SLC45A1: variants seen among roughly 807,000 people sequenced by gnomAD.
The protein encoded by SLC45A1 is solute carrier family 45 member 1, also known as proton-associated sugar transporter A.
SLC45A1 carries 28 observed loss-of-function variants against 57.6 expected under a neutral mutation model. The observed-to-expected ratio is 0.49, with a 90% confidence interval of 0.36 to 0.67. The LOEUF is 0.67. SLC45A1 is among the 30% of genes least tolerant of loss of function. The pLI, the probability that SLC45A1 is intolerant of heterozygous loss-of-function variation, is 0.00. For synonymous variants in SLC45A1, 459 were observed against 471.5 expected (o/e 0.97, Z 0.34); for missense variants, 814 against 1,041.5 (o/e 0.78, Z 3.01).
chr1:8,341,618 A>C (rs1333721057), intron 8 of SLC45A1, among the ~76,000 whole-genome samples: 1 of 150,980 alleles, frequency 6.6e-6, no homozygotes, highest in African/African-American at 2.4e-5. Flanking sequence ...AGTCTGAGGC[A>C]AAAGGAAAAA....
At chr1:8,324,764 G>GGAAGCCTCCA (rs754524502) in intron 2 of SLC45A1, 38 bp downstream of exon 2, 1 of 1,526,776 alleles carries the variant, frequency 6.5e-7, no homozygotes, top group Non-Finnish European at 8.8e-7. Flanking sequence ...GAGGGCCTCT[G>GGAAGCCTCCA]GAAGCCTCCA....
Position 8,330,081 on chromosome 1 carries a change from G to A in SLC45A1, c.716-128G>A. On this transcript the variant is annotated intron_variant, in intron 4 of 8. Transcript: ENST00000471889. This position sits in a 1 kb window ranked among gnomAD's most constrained non-coding sequence, Gnocchi z 8.4. The stretch of plus-strand genomic sequence containing the variant: ...TGTCCCATTTTGTTGGGGTTTAGGT[G>A]GAACAGGTTCTGTGCCCACGTCCCT... The A allele has an allele frequency of 8.3e-7, 1 of 1,208,280 alleles. No individual in the cohort carries two copies. The highest frequency in any genetic ancestry group is 1.2e-6 in the Non-Finnish European group (1 of 857,652). 74.8% of individuals were successfully genotyped at this position (1,208,280 alleles called of 1,614,324 possible).
rs527878036 is a variant in SLC45A1, at chr1:8,338,266, G to A, written c.1774+274G>A. Among the ~76,000 whole-genome samples the A allele has an allele frequency of 7.0e-4, 106 of 152,366 alleles. No homozygotes were observed. In the South Asian group the frequency reaches 8.3e-3, roughly 12 times the overall value. ...TACACCGGCAGGCCATAGCGAGGGC[G>A]AAGTGGGGGGCCCTGGGGGAACCCC... is the stretch of plus-strand genomic sequence containing the variant. On this transcript the variant is annotated intron_variant, in intron 7 of 8. Coordinates refer to ENST00000471889, the MANE Select transcript of SLC45A1 (RefSeq NM_001080397.3).
Position 8,330,648 on chromosome 1 carries a change from C to T in SLC45A1, c.1155C>T (p.His385=), listed in dbSNP as rs773547912. The change falls in exon 5 of 9, where the codon CAC becomes CAT. Residue 385 remains histidine, a synonymous_variant. Transcript: ENST00000471889. The surrounding 1 kb of genome is among the most constrained non-coding windows in gnomAD (Gnocchi z 8.4). ...SVLIDCFTGG[H]DSYLAIPGSV... is the part of the protein sequence containing the mutation. ...TCATTGACTGCTTCACGGGCGGCCA[C>T]GACAGCTACCTGGCCATCCCTGGCA... The T allele has an allele frequency of 1.2e-5, 20 of 1,613,324 alleles. No individual in the cohort carries two copies. The highest frequency in any genetic ancestry group is 6.7e-5 in the Admixed American group (4 of 60,010).
chr1:8,343,968 C>T lies in SLC45A1; in HGVS notation c.2202C>T (p.Ser734=), dbSNP rs376837534. The T allele has an allele frequency of 6.2e-7, 1 of 1,613,712 alleles. No homozygotes were observed. The highest frequency in any genetic ancestry group is 8.5e-7 in the Non-Finnish European group (1 of 1,179,884). ...SLFVIYEIPP[S]DAADEEHRPL... ...TTGTCATTTATGAAATTCCTCCCAG[C>T]GACGCTGCAGACGAGGAGCACCGGC... The change falls in exon 9 of 9, where the codon AGC becomes AGT. Residue 734 remains serine, a synonymous_variant. Transcript: ENST00000471889. The surrounding 1 kb of genome is among the most constrained non-coding windows in gnomAD (Gnocchi z 7.7).
In SLC45A1 at chr1:8,330,375, G is replaced by A. The variant is rs139957298; in HGVS notation, c.882G>A (p.Arg294=). ...TCAGCATCCCTGAGAGGCCGCTGCG[G>A]CCGCCGAGTGAGAAGCGGGCAGCCA... ...TLVSIPERPL[R]PPSEKRAAMK... is the part of the protein sequence containing the mutation. The change falls in exon 5 of 9, where the codon CGG becomes CGA. Residue 294 remains arginine, a synonymous_variant. Coordinates refer to ENST00000471889, the MANE Select transcript of SLC45A1 (RefSeq NM_001080397.3). The surrounding 1 kb of genome is among the most constrained non-coding windows in gnomAD (Gnocchi z 8.4). 1,508 of 1,612,834 alleles carry A rather than the reference G, an allele frequency of 9.3e-4. No homozygotes were observed. The highest frequency in any genetic ancestry group is 1.2e-3 in the Non-Finnish European group (1,396 of 1,179,954).
intron 4 of SLC45A1, among the ~76,000 whole-genome samples, chr1:8,329,774 G>T (rs985487213): frequency 9.2e-5 from 14 of 152,238 alleles, no homozygotes; most frequent in African/African-American, 3.1e-4. Context: ...ATGGTGTTCT[G>T]TGCATGGGGA....
At position 8,324,381 on chromosome 1, in the gene SLC45A1, G is replaced by A. The variant is rs371725234; in HGVS notation, c.52G>A (p.Val18Met). ...GCCGGGAGATGCCCTCTTCCCCAGC[G>A]TGGCCCCACAGGACTTCTGGAGGTC... Reference protein sequence around the residue: ...TPPGDALFPSVAPQDFWRSQV... With the variant: ...TPPGDALFPSMAPQDFWRSQV... Residue 18 changes from valine (V) to methionine (M), a missense_variant, in exon 2 of 9, where the codon GTG (valine) becomes ATG (methionine). Transcript: ENST00000471889. 503 of 1,612,754 alleles carry A rather than the reference G, an allele frequency of 3.1e-4. 7 individuals are homozygous for A. The South Asian group carries it at 4.3e-3, about 14-fold the overall frequency.
In SLC45A1 at chr1:8,343,745, A is replaced by G; in HGVS notation, c.1981-2A>G. The G allele has an allele frequency of 6.2e-7, 1 of 1,602,252 alleles. No individual in the cohort carries two copies. The highest frequency in any genetic ancestry group is 8.5e-7 in the Non-Finnish European group (1 of 1,170,570). Reference sequence around the variant, plus strand: ...GCTGACACGTTTCTTCCTCTGGGTCAGTTTGCAGGGTCCAGTGCGGACGGC... The same window carrying G: ...GCTGACACGTTTCTTCCTCTGGGTCGGTTTGCAGGGTCCAGTGCGGACGGC... On this transcript the variant is annotated splice_acceptor_variant, in intron 8 of 8. Coordinates refer to ENST00000471889, the MANE Select transcript of SLC45A1 (RefSeq NM_001080397.3). LOFTEE classifies it high-confidence loss of function. The surrounding 1 kb of genome is among the most constrained non-coding windows in gnomAD (Gnocchi z 7.7).
Position 8,319,100 on chromosome 1 carries a change from G to T in SLC45A1, c.-25+914G>T, listed in dbSNP as rs181640758. ...GTTCAAGACCAGCCTGGCCAACATG[G>T]TGAAACCCCATCTCTACTAAAAATA... On this transcript the variant is annotated intron_variant, in intron 1 of 8. Transcript: ENST00000471889. Among the ~76,000 whole-genome samples the T allele has an allele frequency of 6.6e-5, 10 of 152,310 alleles. No individual in the cohort carries two copies. The East Asian group carries it at 1.9e-3, about 29-fold the overall frequency.
chr1:8,335,355 C>A lies in SLC45A1; in HGVS notation c.1444-82C>A. On this transcript the variant is annotated intron_variant, in intron 5 of 8. Transcript: ENST00000471889. This position sits in a 1 kb window ranked among gnomAD's most constrained non-coding sequence, Gnocchi z 4.1. ...AGCCTCCGTGCGGTGTTTCCGAGAG[C>A]GCATTCCCCTGAGCAGAGCAGGGTC... The A allele has an allele frequency of 2.3e-6, 3 of 1,331,824 alleles. No homozygotes were observed. Among genetic ancestry groups the A allele is most frequent in the Non-Finnish European group, 3.0e-6 (3 of 1,003,770 alleles). 82.5% of individuals were successfully genotyped at this position (1,331,824 alleles called of 1,614,324 possible).
intron 5 of SLC45A1, among the ~76,000 whole-genome samples, chr1:8,331,325 T>A (rs1485172695): frequency 1.8e-5 from 2 of 112,124 alleles, no homozygotes; most frequent in East Asian, 2.6e-4. Context: ...AAAACACTTT[T>A]AAAAAATATT....
rs137918218 is a variant in SLC45A1, at chr1:8,330,643, G to T, written c.1150G>T (p.Gly384Cys). ...CGTCCTCATTGACTGCTTCACGGGC[G>T]GCCACGACAGCTACCTGGCCATCCC... Reference protein sequence around the residue: ...DSVLIDCFTGGHDSYLAIPGS... With the variant: ...DSVLIDCFTGCHDSYLAIPGS... Residue 384 changes from glycine to cysteine, a missense_variant, in exon 5 of 9, where the codon GGC (glycine) becomes TGC (cysteine). Gly to Cys is a radical substitution (Grantham distance 159). Coordinates refer to ENST00000471889, the MANE Select transcript of SLC45A1 (RefSeq NM_001080397.3). This position sits in a 1 kb window ranked among gnomAD's most constrained non-coding sequence, Gnocchi z 8.4. 5.3e-4 allele frequency: 863 copies of T among 1,613,428 alleles called. 1 individual carries two copies. The highest frequency in any genetic ancestry group is 7.1e-4 in the Non-Finnish European group (833 of 1,179,976).
Position 8,335,505 on chromosome 1 carries a change from G to T in SLC45A1, c.1512G>T (p.Glu504Asp), listed in dbSNP as rs1443955569. Reference protein sequence around the residue: ...SELTGSSERAEQPLSVGRLCS... With the variant: ...SELTGSSERADQPLSVGRLCS... ...TGACGGGCTCCAGCGAGCGCGCGGA[G>T]CAGCCTCTGTCCGTGGGGCGCCTCT... The change falls in exon 6 of 9, where the codon GAG becomes GAT. Residue 504 changes from glutamate (E) to aspartate (D), a missense_variant. By Grantham distance (45) the Glu-to-Asp change is conservative. Coordinates refer to ENST00000471889, the MANE Select transcript of SLC45A1 (RefSeq NM_001080397.3). This position sits in a 1 kb window ranked among gnomAD's most constrained non-coding sequence, Gnocchi z 4.1. The T allele has an allele frequency of 6.2e-7, 1 of 1,604,040 alleles. No homozygotes were observed. Among genetic ancestry groups the T allele is most frequent in the Non-Finnish European group, 8.5e-7 (1 of 1,179,768 alleles).
chr1:8,339,783 T>C, intron 8 of SLC45A1, 85 bp downstream of exon 8: 1 of 1,260,744 alleles, frequency 7.9e-7, no homozygotes, highest in Non-Finnish European at 1.2e-6. Flanking sequence ...AGCTGCACAA[T>C]CTGCAGAGCC....
chr1:8,332,956 G>A (rs531693393), intron 5 of SLC45A1, among the ~76,000 whole-genome samples: 8 of 152,298 alleles, frequency 5.3e-5, no homozygotes, highest in Non-Finnish European at 8.8e-5. Flanking sequence ...GCCGAGTCTC[G>A]TTTGCCTCAT....
chr1:8,342,094 C>A (rs972455723), intron 8 of SLC45A1, among the ~76,000 whole-genome samples: 9 of 152,028 alleles, frequency 5.9e-5, no homozygotes, highest in Admixed American at 2.6e-4. Flanking sequence ...GTAGTCCCAG[C>A]TACTCTGGAG....
In SLC45A1 at chr1:8,324,371, C is replaced by T; in HGVS notation, c.42C>T (p.Leu14=). 1 of 1,612,832 alleles carries T rather than the reference C, an allele frequency of 6.2e-7. No individual in the cohort carries two copies. ...GCAGCACCCCGCCGGGAGATGCCCTCTTCCCCAGCGTGGCCCCACAGGACT... is the reference window on the plus strand; with the variant it reads ...GCAGCACCCCGCCGGGAGATGCCCTTTTCCCCAGCGTGGCCCCACAGGACT... ...AASSTPPGDA[L]FPSVAPQDFW... Residue 14 remains leucine (L), a synonymous_variant, in exon 2 of 9, where the codon CTC becomes CTT. Transcript: ENST00000471889.
chr1:8,324,504 T>TGCCCCCCCCCCCCCCCCCACACC lies in SLC45A1; in HGVS notation c.175_176insGCCCCCCCCCCCCCCCCCACACC (p.Ser59CysfsTer58). On this transcript the variant is annotated frameshift_variant, in exon 2 of 9. Transcript: ENST00000471889. LOFTEE classifies it high-confidence loss of function. Reference sequence around the variant, plus strand: ...CAAGAGGAGGAAGTGCATTCGTCCCTCCCCACCCCCGCCCCCCAACACCCC... The same window carrying TGCCCCCCCCCCCCCCCCCACACC: ...CAAGAGGAGGAAGTGCATTCGTCCCTGCCCCCCCCCCCCCCCCCACACCCCCCACCCCCGCCCCCCAACACCCC... 1 of 1,528,690 alleles carries TGCCCCCCCCCCCCCCCCCACACC rather than the reference T, an allele frequency of 6.5e-7. No homozygotes were observed. Among genetic ancestry groups the TGCCCCCCCCCCCCCCCCCACACC allele is most frequent in the Non-Finnish European group, 9.0e-7 (1 of 1,108,762 alleles). The allele number at this position is 1,528,690 out of a possible 1,614,324, so 94.7% of individuals were successfully genotyped here. A position where few individuals can be genotyped will look rare whatever the true frequency, so the allele number is the denominator to read the frequency against.
Sources: gnomAD v4.1 joint callset for allele counts (sites outside exome capture counted in the v4.1 genomes callset) on GRCh38, gnomAD v4.1.1 for gene constraint, Gnocchi (gnomAD v3.1) non-coding constraint, MANE v1.5 for transcripts, NCBI Gene and HGNC (gene_info 2026-07-23, HGNC 2026-07-21) for gene names.